WDPCP: variants seen among roughly 807,000 people sequenced by gnomAD.
WDPCP encodes the protein WD repeat-containing and planar cell polarity effector protein fritz homolog.
In WDPCP, 71 loss-of-function variants were observed where a neutral mutation model predicts 93.1. The ratio of observed to expected loss-of-function variants is 0.76; its 90% CI spans 0.63 to 0.93. The LOEUF (loss-of-function observed/expected upper bound fraction) is 0.93. Among genes scored for constraint, WDPCP ranks in the 40% least tolerant of loss-of-function variants. WDPCP has a pLI of 0.00. For missense variants in WDPCP, 844 were observed against 887.4 expected, an observed-to-expected ratio of 0.95 and a Z score of 0.62; for synonymous variants, 315 against 315.0, an observed-to-expected ratio of 1.00 and a Z score of 0.00.
At chr2:63,343,159 T>C (rs933780197) in intron 12 of WDPCP, among the ~76,000 whole-genome samples, 2 of 152,014 alleles carry the variant, frequency 1.3e-5, no homozygotes, top group African/African-American at 4.8e-5. Context: ...TACCACCACA[T>C]CTGGCTTTTT....
intron 12 of WDPCP, among the ~76,000 whole-genome samples, chr2:63,357,268 A>T (rs1297494122): frequency 2.0e-5 from 3 of 152,230 alleles, no homozygotes; most frequent in African/African-American, 7.2e-5. Context: ...AAAAATTGAC[A>T]AGTAGGATCT....
intron 6 of WDPCP, among the ~76,000 whole-genome samples, chr2:63,457,778 C>G (rs776656387): frequency 3.3e-5 from 5 of 152,066 alleles, no homozygotes; most frequent in Non-Finnish European, 5.9e-5. Context: ...AAACTCTCAA[C>G]AAACTAGGCA....
chr2:63,296,205 A>G (rs983727732), intron 13 of WDPCP, among the ~76,000 whole-genome samples: 4 of 82,150 alleles, frequency 4.9e-5, no homozygotes, highest in African/African-American at 1.7e-4. Context: ...TCATCTCAGT[A>G]GATGCAAAAA....
chr2:63,693,425 A>G (rs1007566630), intron 2 of WDPCP, among the ~76,000 whole-genome samples: 4 of 147,082 alleles, frequency 2.7e-5, no homozygotes, highest in Non-Finnish European at 6.0e-5. Flanking sequence ...TATAGACTAC[A>G]GTAGATATAG....
chr2:63,276,805 G>A (rs771078552), intron 13 of WDPCP, among the ~76,000 whole-genome samples: 21 of 152,348 alleles, frequency 1.4e-4, no homozygotes, highest in Non-Finnish European at 2.6e-4. Flanking sequence ...AAACATATTT[G>A]AGGGAATAAT....
intron 3 of WDPCP, among the ~76,000 whole-genome samples, chr2:63,629,593 G>A (rs1034379933): frequency 6.6e-6 from 1 of 152,202 alleles, no homozygotes; most frequent in Non-Finnish European, 1.5e-5. Flanking sequence ...TGGCAGTGGA[G>A]GCCATGCGGG....
At chr2:63,286,274 T>C (rs924392678) in intron 13 of WDPCP, among the ~76,000 whole-genome samples, 1 of 152,216 alleles carries the variant, frequency 6.6e-6, no homozygotes, top group Non-Finnish European at 1.5e-5. Context: ...CCAGATGGCC[T>C]GAAGCAACTG....
At chr2:63,221,094 G>A (rs957575745) in intron 14 of WDPCP, among the ~76,000 whole-genome samples, 1 of 152,072 alleles carries the variant, frequency 6.6e-6, no homozygotes, top group Non-Finnish European at 1.5e-5. Flanking sequence ...TCTTTATCCA[G>A]TCTATCATTG....
chr2:63,523,967 A>G (rs1703132537), intron 1 of WDPCP, among the ~76,000 whole-genome samples: 1 of 152,146 alleles, frequency 6.6e-6, no homozygotes, highest in African/African-American at 2.4e-5. Flanking sequence ...CTACACACCA[A>G]AAACATCCAA....
intron 2 of WDPCP, among the ~76,000 whole-genome samples, chr2:63,700,263 A>G (rs1264473732): frequency 1.4e-5 from 2 of 140,580 alleles, no homozygotes; most frequent in African/African-American, 5.4e-5. Context: ...AGCCTGGGTG[A>G]CAGAGTGAGA....
At chr2:63,180,090 A>C (rs1461016622) in intron 14 of WDPCP, among the ~76,000 whole-genome samples, 1 of 152,196 alleles carries the variant, frequency 6.6e-6, no homozygotes, top group African/African-American at 2.4e-5. Context: ...TCTCATTTAT[A>C]AATAGGAGCT....
At chr2:63,147,639 G>C (rs1031005122) in intron 17 of WDPCP, among the ~76,000 whole-genome samples, 2 of 152,180 alleles carry the variant, frequency 1.3e-5, no homozygotes, top group Non-Finnish European at 2.9e-5. Flanking sequence ...GTAAGATGTT[G>C]AGCAAAATGG....
chr2:63,828,759 C>CTTCCTA (rs1671151260), upstream of WDPCP, among the ~76,000 whole-genome samples: 1 of 152,104 alleles, frequency 6.6e-6, no homozygotes, highest in South Asian at 2.1e-4. Flanking sequence ...GCTTTGTCTT[C>CTTCCTA]TTCCTATTCA....
chr2:63,699,934 A>C (rs956358426), intron 2 of WDPCP, among the ~76,000 whole-genome samples: 2 of 152,140 alleles, frequency 1.3e-5, no homozygotes, highest in African/African-American at 4.8e-5. Context: ...GCTTTTGAGC[A>C]GGGGTGTGAG....
intron 3 of WDPCP, chr2:63,595,533 T>G: frequency 6.7e-7 from 1 of 1,489,634 alleles, no homozygotes; most frequent in Non-Finnish European, 9.4e-7. Context: ...GGTTGGGGAG[T>G]AGAGAAGGGA....
At chr2:63,535,047 A>G (rs1210305249) in intron 1 of WDPCP, among the ~76,000 whole-genome samples, 2 of 152,276 alleles carry the variant, frequency 1.3e-5, no homozygotes, top group South Asian at 2.1e-4. Context: ...AAAAATCACA[A>G]GCATTCCTAT....
chr2:63,568,156 G>T (rs1051093261), intron 1 of WDPCP, among the ~76,000 whole-genome samples: 1 of 152,150 alleles, frequency 6.6e-6, no homozygotes, highest in African/African-American at 2.4e-5. Flanking sequence ...GAAGGCACAA[G>T]GTCAGAGAGA....
intron 1 of WDPCP, among the ~76,000 whole-genome samples, chr2:63,534,137 T>C (rs1197661995): frequency 2.0e-5 from 3 of 152,056 alleles, no homozygotes; most frequent in Admixed American, 6.6e-5. Context: ...CCTGGACACA[T>C]ACACCCTCCC....
At chr2:63,759,303 C>A (rs149522900) in intron 2 of WDPCP, among the ~76,000 whole-genome samples, 39 of 152,236 alleles carry the variant, frequency 2.6e-4, no homozygotes, top group Non-Finnish European at 4.4e-4. Context: ...TCCATGCAAC[C>A]TGTATCGGCC....
Sources: gnomAD v4.1 joint callset for allele counts (sites outside exome capture counted in the v4.1 genomes callset) on GRCh38, gnomAD v4.1.1 for gene constraint, MANE v1.5 for transcripts, NCBI Gene and HGNC (gene_info 2026-07-23, HGNC 2026-07-21) for gene names.